LMBR1: variants seen among roughly 807,000 people sequenced by gnomAD.
LMBR1 encodes limb region 1 protein homolog.
In LMBR1, 52 loss-of-function variants were observed where a neutral mutation model predicts 73.9. That is an observed-to-expected ratio of 0.70 (90% CI 0.56 to 0.89). The LOEUF (loss-of-function observed/expected upper bound fraction) is 0.89, where lower values mean the gene tolerates loss of function less well. Among genes scored for constraint, LMBR1 ranks in the 40% least tolerant of loss-of-function variants. The pLI is 0.00. For synonymous variants in LMBR1, 215 were observed against 209.4 expected (o/e 1.03, Z -0.23); for missense variants, 539 against 579.8 (o/e 0.93, Z 0.72).
At chr7:156,703,932 G>C (rs754262189) in intron 15 of LMBR1, among the ~76,000 whole-genome samples, 1 of 152,018 alleles carries the variant, frequency 6.6e-6, no homozygotes, top group Non-Finnish European at 1.5e-5. Flanking sequence ...TGTAAACATC[G>C]CCTACTGACC....
rs1300038321 is a variant in LMBR1 at position 156,678,465 on chromosome 7, C to T, written c.*5613G>A. ...GCAACCACAGAACGCTAAAAAGGAC[C>T]TGAATGAAGTAGCTACTTCTCTGGA... On this transcript the variant is annotated 3_prime_UTR_variant, in exon 17 of 17. Transcript: ENST00000353442. The T allele has an allele frequency of 6.6e-6, 1 of 152,206 alleles. No homozygotes were observed. The highest frequency in any genetic ancestry group is 1.5e-5 in the Non-Finnish European group (1 of 68,030). 9.4% of individuals were successfully genotyped at this position (152,206 alleles called of 1,614,324 possible). A position where few individuals can be genotyped will look rare whatever the true frequency, so the allele number is the denominator to read the frequency against.
chr7:156,842,872 G>A (rs1283226090), intron 1 of LMBR1, among the ~76,000 whole-genome samples: 4 of 152,080 alleles, frequency 2.6e-5, no homozygotes, highest in African/African-American at 9.7e-5. Context: ...AGAAATACTA[G>A]AAGCTTGATG....
intron 9 of LMBR1, among the ~76,000 whole-genome samples, chr7:156,745,152 T>C (rs1318688237): frequency 6.6e-6 from 1 of 152,226 alleles, no homozygotes; most frequent in East Asian, 1.9e-4. Context: ...CCACAAAGAC[T>C]ATTTCTTTTT....
chr7:156,802,068 C>T (rs1371442629), intron 4 of LMBR1, among the ~76,000 whole-genome samples: 2 of 152,016 alleles, frequency 1.3e-5, no homozygotes, highest in Non-Finnish European at 2.9e-5. Flanking sequence ...CCGCAATCTC[C>T]GCCTCCCGGG....
At position 156,763,704 on chromosome 7, in the gene LMBR1, A is replaced by AT; in HGVS notation, c.514dup (p.Ile172AsnfsTer2). 1 of 1,597,058 alleles carries AT rather than the reference A, an allele frequency of 6.3e-7. No homozygotes were observed. Among genetic ancestry groups the AT allele is most frequent in the Non-Finnish European group, 8.5e-7 (1 of 1,175,656 alleles). ...TTCCATGCTTGCGGCATCGTTGTCA[A>AT]TGAGTGCTGAAGCTACCCACACTAT... On this transcript the variant is annotated frameshift_variant, in exon 6 of 17. Transcript: ENST00000353442. LOFTEE classifies it high-confidence loss of function.
intron 5 of LMBR1, chr7:156,779,604 C>G (rs1434001901): frequency 5.1e-6 from 5 of 976,720 alleles, no homozygotes; most frequent in Non-Finnish European, 6.9e-6. Context: ...TTGTGCTGGT[C>G]AATTATACAT....
At chr7:156,781,802 T>C (rs1003273763) in intron 5 of LMBR1, among the ~76,000 whole-genome samples, 4 of 152,158 alleles carry the variant, frequency 2.6e-5, no homozygotes, top group Admixed American at 1.3e-4. Context: ...TATCATCCAT[T>C]TGCGTTTTTT....
At chr7:156,687,848 T>C (rs1281534894) in intron 16 of LMBR1, among the ~76,000 whole-genome samples, 182 bp downstream of exon 16, 2 of 152,224 alleles carry the variant, frequency 1.3e-5, no homozygotes, top group Non-Finnish European at 2.9e-5. Context: ...ATACTATCAC[T>C]GTATTACAGA....
intron 1 of LMBR1, among the ~76,000 whole-genome samples, chr7:156,852,084 G>GTTA (rs1469753936): frequency 1.3e-5 from 2 of 152,072 alleles, no homozygotes; most frequent in Non-Finnish European, 2.9e-5. Flanking sequence ...GAGACTTTAA[G>GTTA]AACACACCTC....
chr7:156,858,287 A>T (rs1381345970), intron 1 of LMBR1, among the ~76,000 whole-genome samples: 1 of 152,130 alleles, frequency 6.6e-6, no homozygotes, highest in East Asian at 1.9e-4. Flanking sequence ...CCAAAAAAAA[A>T]TTACAGGAAT....
intron 4 of LMBR1, among the ~76,000 whole-genome samples, chr7:156,807,949 CACTT>C (rs1386435047): frequency 6.6e-6 from 1 of 152,040 alleles, no homozygotes; most frequent in Admixed American, 6.6e-5. Context: ...AGTTTTCTGA[CACTT>C]ATTTAATTTC....
chr7:156,879,492 G>C (rs928118483), intron 1 of LMBR1, among the ~76,000 whole-genome samples: 4 of 151,874 alleles, frequency 2.6e-5, no homozygotes, highest in Non-Finnish European at 5.9e-5. Flanking sequence ...GTGAAACCCC[G>C]TCTCTACTAA....
At chr7:156,839,110 C>A (rs111415962) in intron 1 of LMBR1, among the ~76,000 whole-genome samples, 5 of 136,742 alleles carry the variant, frequency 3.7e-5, no homozygotes, top group Non-Finnish European at 7.6e-5. Context: ...AGTGCAATGG[C>A]GCGATCTTGG....
At chr7:156,891,950 A>AC (rs1803073770) in intron 1 of LMBR1, among the ~76,000 whole-genome samples, 2 of 152,166 alleles carry the variant, frequency 1.3e-5, no homozygotes, top group South Asian at 2.1e-4. Context: ...TTCACCTCAA[A>AC]CCAAGTGTGA....
At chr7:156,763,086 A>G (rs1339106855) in intron 7 of LMBR1, 22 bp downstream of exon 7, 9 of 1,196,354 alleles carry the variant, frequency 7.5e-6, no homozygotes, top group Admixed American at 6.2e-5. Flanking sequence ...TTCTCTTAAT[A>G]TCAAGTCTGA....
intron 1 of LMBR1, among the ~76,000 whole-genome samples, chr7:156,887,394 C>T (rs776599923): frequency 6.5e-5 from 9 of 137,644 alleles, no homozygotes; most frequent in Admixed American, 4.0e-4. Context: ...ACCCGGGAGG[C>T]GGAGGTTGCA....
In LMBR1 at chr7:156,753,898, T is replaced by G. The variant is rs117468753; in HGVS notation, c.757+2495A>C. On this transcript the variant is annotated intron_variant, in intron 9 of 16. Coordinates refer to ENST00000353442, the MANE Select transcript of LMBR1 (RefSeq NM_022458.4). ...CCCTCCTGTCTCAGAAACACAGAAC[T>G]CCTTCCTCTCTATTCCTTTTTTTCA... 1.8e-4 allele frequency among the ~76,000 whole-genome samples: 27 copies of G among 152,202 alleles called. No homozygotes were observed. In the East Asian group the frequency reaches 5.0e-3, roughly 28 times the overall value.
intron 1 of LMBR1, among the ~76,000 whole-genome samples, chr7:156,864,227 C>T (rs1168403924): frequency 6.6e-6 from 1 of 152,112 alleles, no homozygotes; most frequent in Non-Finnish European, 1.5e-5. Flanking sequence ...GCTCTTCTAA[C>T]CAAGTGCCTC....
chr7:156,842,215 T>C (rs563106476), intron 1 of LMBR1, among the ~76,000 whole-genome samples: 1 of 149,096 alleles, frequency 6.7e-6, no homozygotes, highest in Non-Finnish European at 1.5e-5. Context: ...ACCGATGGGG[T>C]TGAGGAGTAA....
Sources: gnomAD v4.1 joint callset for allele counts (sites outside exome capture counted in the v4.1 genomes callset) on GRCh38, gnomAD v4.1.1 for gene constraint, MANE v1.5 for transcripts, NCBI Gene and HGNC (gene_info 2026-07-23, HGNC 2026-07-21) for gene names.